Variants in SHCBP1 observed in about 807,000 individuals in gnomAD.
SHCBP1 encodes SHC SH2 domain-binding protein 1.
A neutral mutation model predicts 75.1 loss-of-function variants in SHCBP1; 60 were observed. The ratio of observed to expected loss-of-function variants is 0.80; its 90% CI spans 0.65 to 0.99. The LOEUF (loss-of-function observed/expected upper bound fraction) is 0.99. SHCBP1 is among the 50% of genes least tolerant of loss of function. The pLI, the probability that SHCBP1 is intolerant of heterozygous loss-of-function variation, is 0.00. For synonymous variants in SHCBP1, 290 were observed against 293.2 expected, an observed-to-expected ratio of 0.99 and a Z score of 0.11; for missense variants, 709 against 809.4, an observed-to-expected ratio of 0.88 and a Z score of 1.50.
intron 9 of SHCBP1, among the ~76,000 whole-genome samples, chr16:46,598,944 G>C (rs72816838): frequency 6.6e-6 from 1 of 152,338 alleles, no homozygotes; most frequent in Non-Finnish European, 1.5e-5. Context: ...ACCAACAGCT[G>C]CTAGTTTCAA....
intron 10 of SHCBP1, among the ~76,000 whole-genome samples, chr16:46,587,872 C>A (rs1366612302): frequency 6.6e-6 from 1 of 152,188 alleles, no homozygotes; most frequent in African/African-American, 2.4e-5. Flanking sequence ...TTCTTCACAG[C>A]ACCACATCAC....
chr16:46,588,657 T>G (rs1964991231), intron 10 of SHCBP1, among the ~76,000 whole-genome samples: 2 of 152,064 alleles, frequency 1.3e-5, no homozygotes, highest in Admixed American at 1.3e-4. Flanking sequence ...CAGTAACAGG[T>G]TCGGAAATTG....
intron 9 of SHCBP1, among the ~76,000 whole-genome samples, chr16:46,597,156 T>G (rs1009955406): frequency 6.6e-6 from 1 of 152,162 alleles, no homozygotes; most frequent in African/African-American, 2.4e-5. Context: ...TCCCAGTGCA[T>G]ACAAATGTTT....
chr16:46,592,950 T>TCAAAAAAAAAAAAAAAAAAAAA (rs1965069969), intron 10 of SHCBP1, among the ~76,000 whole-genome samples: 1 of 1,442 alleles, frequency 6.9e-4, no homozygotes, highest in African/African-American at 2.3e-3. Context: ...ATAAAAATTC[T>TCAAAAAAAAAAAAAAAAAAAAA]CAAAAAAAAA....
intron 9 of SHCBP1, 82 bp from the exon 10 acceptor site, chr16:46,595,752 C>A: frequency 1.1e-6 from 1 of 906,506 alleles, no homozygotes; most frequent in Non-Finnish European, 1.7e-6. Flanking sequence ...CTGACATTAG[C>A]TATGGTCTAA....
Position 46,616,641 on chromosome 16 carries a change from A to C in SHCBP1, c.388-487T>G, listed in dbSNP as rs1816189559. On this transcript the variant is annotated intron_variant, in intron 3 of 12. Transcript: ENST00000303383. This position sits in a 1 kb window ranked among gnomAD's most constrained non-coding sequence, Gnocchi z 4.4. ...GAAAGAGAGGCAACGAGACCAGGAC[A>C]TGAAGGACATCTGAAGGAGCTTGGA... 6.6e-6 allele frequency among the ~76,000 whole-genome samples: 1 copy of C among 152,204 alleles called. No homozygotes were observed. The highest frequency in any genetic ancestry group is 2.1e-4 in the South Asian group (1 of 4,830).
intron 5 of SHCBP1, among the ~76,000 whole-genome samples, chr16:46,604,714 A>G (rs1243070967): frequency 6.6e-6 from 1 of 152,208 alleles, no homozygotes; most frequent in African/African-American, 2.4e-5. Context: ...TCTTGGATCC[A>G]AGCATTTGTG....
chr16:46,591,648 A>G (rs771380079), intron 10 of SHCBP1, among the ~76,000 whole-genome samples: 1 of 152,098 alleles, frequency 6.6e-6, no homozygotes, highest in Non-Finnish European at 1.5e-5. Context: ...CCACCAACCA[A>G]CTTGATCTAG....
chr16:46,600,370 G>T (rs1965214072), intron 8 of SHCBP1, among the ~76,000 whole-genome samples: 1 of 152,184 alleles, frequency 6.6e-6, no homozygotes, highest in African/African-American at 2.4e-5. Flanking sequence ...GGAGGCTAAG[G>T]TGGGAGGGTC....
At chr16:46,621,208 C>T in intron 1 of SHCBP1, 49 bp downstream of exon 1, 8 of 1,555,058 alleles carry the variant, frequency 5.1e-6, no homozygotes, top group Non-Finnish European at 7.0e-6. Flanking sequence ...CCCGACGCCC[C>T]AGGCCTCCGC....
chr16:46,594,090 T>A (rs1965095379), intron 10 of SHCBP1, among the ~76,000 whole-genome samples: 1 of 152,116 alleles, frequency 6.6e-6, no homozygotes, highest in Admixed American at 6.6e-5. Flanking sequence ...ACCTCACACC[T>A]TATACCAAAA....
At chr16:46,599,422 G>C (rs1300160932) in intron 9 of SHCBP1, among the ~76,000 whole-genome samples, 1 of 152,040 alleles carries the variant, frequency 6.6e-6, no homozygotes, top group East Asian at 1.9e-4. Flanking sequence ...TAGGGGAATG[G>C]CTGATCGGTG....
In SHCBP1 at chr16:46,617,749, G is replaced by T. The variant is rs201101866; in HGVS notation, c.272C>A (p.Ala91Asp). Residue 91 changes from alanine (A) to aspartate (D), a missense_variant and splice_region_variant, in exon 3 of 13, where the codon GCT becomes GAT. Coordinates refer to ENST00000303383, the MANE Select transcript of SHCBP1 (RefSeq NM_024745.5). Reference sequence around the variant, plus strand: ...CTGTACCTCAGAGGCCTTGCAGTCAGCTACAAACAAATTAAACACAGGAAG... The same window carrying T: ...CTGTACCTCAGAGGCCTTGCAGTCATCTACAAACAAATTAAACACAGGAAG... ...RFRAYQDYILADCKASEVQEF... is the reference protein window; with the variant it reads ...RFRAYQDYILDDCKASEVQEF... 5 of 1,608,710 alleles carry T rather than the reference G, an allele frequency of 3.1e-6. No homozygotes were observed. Among genetic ancestry groups the T allele is most frequent in the Non-Finnish European group, 3.4e-6 (4 of 1,176,832 alleles).
intron 4 of SHCBP1, among the ~76,000 whole-genome samples, chr16:46,612,206 C>T (rs780400316): frequency 1.1e-4 from 17 of 152,148 alleles, no homozygotes; most frequent in Non-Finnish European, 1.0e-4. Flanking sequence ...AATGTCAAGA[C>T]GTTAAGCAAG....
Position 46,612,232 on chromosome 16 carries a change from G to A in SHCBP1, c.596+3714C>T, listed in dbSNP as rs188465485. Among the ~76,000 whole-genome samples, 278 of 152,328 alleles carry A rather than the reference G, an allele frequency of 1.8e-3. 1 individual carries two copies. The highest frequency in any genetic ancestry group is 3.3e-3 in the Non-Finnish European group (224 of 68,024). ...GTTAAGCAAGATGAGATCAGAGGCA[G>A]GATGAGATCAGTGAAACGTTGACTG... On this transcript the variant is annotated intron_variant, in intron 4 of 12. Coordinates refer to ENST00000303383, the MANE Select transcript of SHCBP1 (RefSeq NM_024745.5).
Position 46,603,969 on chromosome 16 carries a change from G to GT in SHCBP1, c.1092+5dup. ...AGCCACCTGGAGTGAGAAACTCTCC[G>GT]TTTACCTGAATTTCTCTTTCTTCCT... On this transcript the variant is annotated splice_donor_region_variant and intron_variant, in intron 7 of 12. Transcript: ENST00000303383. 1 of 1,602,404 alleles carries GT rather than the reference G, an allele frequency of 6.2e-7. No homozygotes were observed. Among genetic ancestry groups the GT allele is most frequent in the Non-Finnish European group, 8.5e-7 (1 of 1,176,862 alleles).
At chr16:46,613,224 G>A (rs1965446562) in intron 4 of SHCBP1, among the ~76,000 whole-genome samples, 1 of 152,124 alleles carries the variant, frequency 6.6e-6, no homozygotes, top group African/African-American at 2.4e-5. Context: ...TGATCCAGAG[G>A]CTGAGGCAAG....
At chr16:46,605,742 T>G (rs1024396286) in intron 5 of SHCBP1, among the ~76,000 whole-genome samples, 2 of 149,398 alleles carry the variant, frequency 1.3e-5, no homozygotes, top group African/African-American at 4.9e-5. Context: ...AATGATGTTG[T>G]TTTTTTTTAA....
At position 46,608,047 on chromosome 16, in the gene SHCBP1, A is replaced by T. The variant is rs113848547; in HGVS notation, c.689+250T>A. 2.9e-3 allele frequency among the ~76,000 whole-genome samples: 446 copies of T among 152,304 alleles called. 3 individuals are homozygous for T. The highest frequency in any genetic ancestry group is 0.01 in the African/African-American group (422 of 41,562). The stretch of plus-strand genomic sequence containing the variant: ...ATGTTCTTGAACTTCCTGCTTTTAG[A>T]CTCAATTTATAAACACTAAAAGCAA... On this transcript the variant is annotated intron_variant, in intron 5 of 12. Transcript: ENST00000303383.
Sources: allele counts gnomAD v4.1 joint callset (sites outside exome capture counted in the v4.1 genomes callset), GRCh38; gene constraint gnomAD v4.1.1; non-coding constraint Gnocchi (gnomAD v3.1); transcripts MANE v1.5; gene names NCBI Gene and HGNC (gene_info 2026-07-23, HGNC 2026-07-21).